Variants in MYCBP2 observed in about 807,000 individuals in gnomAD.
MYCBP2 encodes the protein MYC binding protein 2.
A neutral mutation model predicts 525.3 loss-of-function variants in MYCBP2; 120 were observed. The observed-to-expected ratio is 0.23, with a 90% CI of 0.20 to 0.27. The LOEUF (loss-of-function observed/expected upper bound fraction) is 0.27. Among genes scored for constraint, MYCBP2 ranks in the 10% least tolerant of loss-of-function variants. The pLI is 1.00. For missense variants in MYCBP2, 4,149 were observed against 5,657.1 expected (o/e 0.73, Z 8.55); for synonymous variants, 1,894 against 1,955.8 (o/e 0.97, Z 0.83).
Position 77,270,278 on chromosome 13 carries a change from T to C in MYCBP2, c.1188+18A>G. On this transcript the variant is annotated intron_variant, in intron 6 of 82. Transcript: ENST00000544440. ...TTATAACTCTGTATAATTAAGGAAC[T>C]GTAAGGAATCACATTACCCTAACTG... 1 of 1,595,032 alleles carries C rather than the reference T, an allele frequency of 6.3e-7. No homozygotes were observed.
intron 26 of MYCBP2, among the ~76,000 whole-genome samples, chr13:77,194,546 T>C (rs540346294): frequency 6.6e-6 from 1 of 152,164 alleles, no homozygotes; most frequent in South Asian, 2.1e-4. Flanking sequence ...CTGAAAAAGG[T>C]GAGAGAACTC....
chr13:77,242,565 A>G (rs1386629373), intron 17 of MYCBP2, among the ~76,000 whole-genome samples: 1 of 152,230 alleles, frequency 6.6e-6, no homozygotes, highest in Non-Finnish European at 1.5e-5. Flanking sequence ...AAAAAAGGAC[A>G]CATGAAAGCA....
chr13:77,220,347 T>C (rs1202606347), intron 20 of MYCBP2, among the ~76,000 whole-genome samples: 2 of 152,078 alleles, frequency 1.3e-5, no homozygotes, highest in East Asian at 1.9e-4. Flanking sequence ...CATCAGATTA[T>C]GGATATTTAA....
At chr13:77,068,913 A>G in intron 69 of MYCBP2, 82 bp from the exon 70 acceptor site, 1 of 1,336,202 alleles carries the variant, frequency 7.5e-7, no homozygotes, top group Non-Finnish European at 1.0e-6. Flanking sequence ...AAACAAAAGA[A>G]TAAGACAAGA....
At chr13:77,115,429 GTC>G (rs1408180585) in intron 55 of MYCBP2, among the ~76,000 whole-genome samples, 3 of 151,650 alleles carry the variant, frequency 2.0e-5, no homozygotes, top group African/African-American at 4.8e-5. Context: ...TCTTTTTCAT[GTC>G]TCTGTGTGCA....
At chr13:77,263,048 G>A (rs182976724) in intron 10 of MYCBP2, among the ~76,000 whole-genome samples, 4 of 151,958 alleles carry the variant, frequency 2.6e-5, no homozygotes, top group Admixed American at 2.6e-4. Context: ...AAAACTCTCA[G>A]GAGAACTCAT....
At chr13:77,149,224 T>A (rs922682183) in intron 47 of MYCBP2, among the ~76,000 whole-genome samples, 2 of 152,150 alleles carry the variant, frequency 1.3e-5, no homozygotes, top group African/African-American at 4.8e-5. Flanking sequence ...CTTACCAATG[T>A]GAATCGTTTT....
At chr13:77,196,311 CCTT>C in intron 26 of MYCBP2, among the ~76,000 whole-genome samples, 1 of 152,194 alleles carries the variant, frequency 6.6e-6, no homozygotes, top group South Asian at 2.1e-4. Context: ...CTTTGTAGGT[CCTT>C]CTAAGGCTTT....
intron 6 of MYCBP2, 78 bp from the exon 7 acceptor site, chr13:77,270,141 G>A: frequency 7.0e-7 from 1 of 1,426,916 alleles, no homozygotes; most frequent in Non-Finnish European, 9.6e-7. Flanking sequence ...ATGGGTGAAT[G>A]ACATTTAATG....
At chr13:77,179,668 G>T (rs1373050810) in intron 34 of MYCBP2, among the ~76,000 whole-genome samples, 1 of 152,138 alleles carries the variant, frequency 6.6e-6, no homozygotes, top group Non-Finnish European at 1.5e-5. Flanking sequence ...TGTGATAGAG[G>T]TGAAATAAAA....
rs560842375 is a variant in MYCBP2, at chr13:77,061,877, A to C, written c.12775-87T>G. The C allele has an allele frequency of 1.2e-5, 16 of 1,324,816 alleles. No individual in the cohort carries two copies. The African/African-American group carries it at 2.4e-4, about 20-fold the overall frequency. The allele number at this position is 1,324,816 out of a possible 1,614,324, so 82.1% of individuals were successfully genotyped here. On this transcript the variant is annotated intron_variant, in intron 74 of 82. Transcript: ENST00000544440. ...TTGAATATAATTTATTTACAAAAAT[A>C]AACCGTTATTCGGAAGTCTATTAAG...
Position 77,144,557 on chromosome 13 carries a change from G to A in MYCBP2, c.7191C>T (p.Pro2397=). 6.2e-7 allele frequency: 1 copy of A among 1,606,312 alleles called. No homozygotes were observed. The highest frequency in any genetic ancestry group is 8.5e-7 in the Non-Finnish European group (1 of 1,173,204). The change falls in exon 49 of 83, where the codon CCC becomes CCT. Residue 2397 remains proline (P), a synonymous_variant. Transcript: ENST00000544440. Reference sequence around the variant, plus strand: ...TGACACGGATCAGCATATTCTCACTGGGTCTGAAAAGAAATAAGATGGATA... The same window carrying A: ...TGACACGGATCAGCATATTCTCACTAGGTCTGAAAAGAAATAAGATGGATA... ...LRFASPTPKR[P]SENMLIRVNN...
chr13:77,305,444 TC>T (rs1401845527), intron 1 of MYCBP2, among the ~76,000 whole-genome samples: 4 of 152,094 alleles, frequency 2.6e-5, no homozygotes, highest in Admixed American at 2.0e-4. Flanking sequence ...CAACAAAAGG[TC>T]ATAAATTGTA....
chr13:77,185,725 C>T, intron 31 of MYCBP2, 146 bp downstream of exon 31: 1 of 595,304 alleles, frequency 1.7e-6, no homozygotes, highest in Admixed American at 3.6e-5. Context: ...AATACATAAG[C>T]ATCATAGCAA....
In MYCBP2 at chr13:77,269,984, TTTC is replaced by T. The variant is rs757770685; in HGVS notation, c.1260+5_1260+7del. ...GAAAATTTTGGTTTATTGTGGATAGTTTCTTACCTGAGCATACCCTAACCAAGA... is the reference window on the plus strand; with the variant it reads ...GAAAATTTTGGTTTATTGTGGATAGTTTACCTGAGCATACCCTAACCAAGA... On this transcript the variant is annotated splice_donor_5th_base_variant and intron_variant, in intron 7 of 82. Transcript: ENST00000544440. The T allele has an allele frequency of 6.2e-7, 1 of 1,605,346 alleles. No individual in the cohort carries two copies. Among genetic ancestry groups the T allele is most frequent in the Non-Finnish European group, 8.5e-7 (1 of 1,177,354 alleles).
chr13:77,154,377 G>C (rs1816711399), intron 46 of MYCBP2, among the ~76,000 whole-genome samples: 1 of 150,116 alleles, frequency 6.7e-6, no homozygotes, highest in African/African-American at 2.4e-5. Flanking sequence ...GGAAAAAGGA[G>C]AAGGAGGTGA....
At chr13:77,242,967 C>T in intron 17 of MYCBP2, 92 bp downstream of exon 17, 3 of 1,015,208 alleles carry the variant, frequency 3.0e-6, no homozygotes, top group South Asian at 1.5e-5. Flanking sequence ...GATTTCTTAC[C>T]AAATTAGTTT....
At chr13:77,247,639 A>G (rs535884659) in intron 15 of MYCBP2, among the ~76,000 whole-genome samples, 2 of 152,174 alleles carry the variant, frequency 1.3e-5, no homozygotes, top group Non-Finnish European at 2.9e-5. Flanking sequence ...AAGAAGAACA[A>G]AGTACTCGGT....
chr13:77,202,233 C>T (rs987070982), intron 26 of MYCBP2, among the ~76,000 whole-genome samples: 1 of 152,188 alleles, frequency 6.6e-6, no homozygotes, highest in African/African-American at 2.4e-5. Flanking sequence ...CACAGAAATA[C>T]AAACTACCAT....
Sources: gnomAD v4.1 joint callset for allele counts (sites outside exome capture counted in the v4.1 genomes callset) on GRCh38, gnomAD v4.1.1 for gene constraint, MANE v1.5 for transcripts, NCBI Gene and HGNC (gene_info 2026-07-23, HGNC 2026-07-21) for gene names.